The following SETD7 variants were observed in gnomAD, a reference collection of about 807,000 sequenced individuals.
SETD7 encodes histone-lysine N-methyltransferase SETD7.
Under a neutral mutation model 41.8 loss-of-function variants are expected in SETD7, and 16 were observed. That is an observed-to-expected ratio of 0.38 (90% CI 0.26 to 0.58). The LOEUF (loss-of-function observed/expected upper bound fraction) is 0.58. SETD7 is among the 20% of genes least tolerant of loss of function. The pLI is 0.64. For synonymous variants in SETD7, 163 were observed against 169.7 expected (o/e 0.96, Z 0.31); for missense variants, 346 against 459.7 (o/e 0.75, Z 2.26).
chr4:139,497,887 C>G (rs1726496059), intron 7 of SETD7, among the ~76,000 whole-genome samples: 1 of 152,130 alleles, frequency 6.6e-6, no homozygotes, highest in Non-Finnish European at 1.5e-5. Context: ...GTTAAATCAT[C>G]CTTTCCCTAG....
intron 2 of SETD7, among the ~76,000 whole-genome samples, chr4:139,535,248 T>A (rs894550753): frequency 2.6e-5 from 4 of 152,366 alleles, no homozygotes; most frequent in African/African-American, 9.6e-5. Flanking sequence ...AATACAGGAT[T>A]CCCAGCTAAG....
At chr4:139,499,616 C>T (rs1397791021) in intron 7 of SETD7, among the ~76,000 whole-genome samples, 1 of 152,100 alleles carries the variant, frequency 6.6e-6, no homozygotes, top group Non-Finnish European at 1.5e-5. Context: ...GTGATTTTAT[C>T]CACAGCCAAT....
chr4:139,531,851 G>C (rs1006989981), intron 3 of SETD7, among the ~76,000 whole-genome samples: 2 of 152,142 alleles, frequency 1.3e-5, no homozygotes, highest in East Asian at 1.9e-4. Flanking sequence ...AGCACTTTGG[G>C]AGGCCGAGGC....
At chr4:139,502,320 G>T (rs759842915), downstream of SETD7, among the ~76,000 whole-genome samples, 3 of 152,218 alleles carry the variant, frequency 2.0e-5, no homozygotes, top group Non-Finnish European at 4.4e-5. Context: ...GTAATGAGAA[G>T]CATGGTGAAA....
At chr4:139,522,741 C>CTTTTTTTTTTTTTTTTTTTTT (rs11357611) in intron 5 of SETD7, among the ~76,000 whole-genome samples, 1 of 93,450 alleles carries the variant, frequency 1.1e-5, no homozygotes. Flanking sequence ...CCCAGCTGCT[C>CTTTTTTTTTTTTTTTTTTTTT]TTTTTTTTTT....
At chr4:139,540,158 C>T (rs1388591265) in intron 2 of SETD7, among the ~76,000 whole-genome samples, 1 of 152,184 alleles carries the variant, frequency 6.6e-6, no homozygotes, top group Non-Finnish European at 1.5e-5. Context: ...TCAATCACAG[C>T]AATCCTGAAA....
intron 7 of SETD7, among the ~76,000 whole-genome samples, chr4:139,497,572 G>A (rs1726485235): frequency 6.6e-6 from 1 of 151,242 alleles, no homozygotes; most frequent in African/African-American, 2.4e-5. Flanking sequence ...GAGTTTTCAT[G>A]TTTTTTTTGT....
chr4:139,496,091 C>G, exon 8 of SETD7: 1 of 305,878 alleles, frequency 3.3e-6, no homozygotes, highest in Non-Finnish European at 6.0e-6. Flanking sequence ...TCCCTTATCT[C>G]CCATATTAGC....
At chr4:139,523,209 A>C in intron 5 of SETD7, 145 bp downstream of exon 5, 1 of 566,808 alleles carries the variant, frequency 1.8e-6, no homozygotes, top group African/African-American at 1.9e-5. Flanking sequence ...GAGGGTTGGC[A>C]AAGGAAAAGG....
In SETD7 at chr4:139,555,225, T is replaced by C. The variant is rs994647536; in HGVS notation, c.40+873A>G. On this transcript the variant is annotated intron_variant, in intron 1 of 7. Coordinates refer to ENST00000274031, the MANE Select transcript of SETD7 (RefSeq NM_030648.4). The surrounding 1 kb of genome is among the most constrained non-coding windows in gnomAD (Gnocchi z 4.0). ...GGTGGAGAAACTCAGCAAAACAAAG[T>C]GGCGAGAAAAGTCGGGGGAGGGGCG... Among the ~76,000 whole-genome samples, 1 of 142,906 alleles carries C rather than the reference T, an allele frequency of 7.0e-6. No individual in the cohort carries two copies. The highest frequency in any genetic ancestry group is 1.5e-5 in the Non-Finnish European group (1 of 65,956). 93.8% of individuals were successfully genotyped at this position (142,906 alleles called of 152,430 possible).
chr4:139,523,366 T>C lies in SETD7; in HGVS notation c.632A>G (p.Tyr211Cys), dbSNP rs1359072283. The C allele has an allele frequency of 1.9e-6, 3 of 1,611,326 alleles. No homozygotes were observed. Among genetic ancestry groups the C allele is most frequent in the Middle Eastern group, 1.7e-4 (1 of 6,056 alleles). The stretch of plus-strand genomic sequence containing the variant: ...AGGAGGAAATTACCTTTCTGATTCA[T>C]AAGGATCTGGAAGAAGAGCATTGGT... ...ISTNALLPDPYESERVYVAES... is the reference protein window; with the variant it reads ...ISTNALLPDPCESERVYVAES... Residue 211 changes from tyrosine to cysteine, a missense_variant, in exon 5 of 8, where the codon TAT becomes TGT. By Grantham distance (194) the Tyr-to-Cys change is radical (BLOSUM62 -2). Transcript: ENST00000274031.
rs1727072865 is a variant in SETD7, at chr4:139,517,910, A to C, written c.895T>G (p.Phe299Val). 6.2e-7 allele frequency: 1 copy of C among 1,613,728 alleles called. No homozygotes were observed. Among genetic ancestry groups the C allele is most frequent in the Non-Finnish European group, 8.5e-7 (1 of 1,179,782 alleles). Residue 299 changes from phenylalanine (F) to valine (V), a missense_variant, in exon 7 of 8, where the codon TTC (phenylalanine) becomes GTC (valine). Phe to Val is a conservative substitution (Grantham distance 50). Around this residue, in one of 3 missense-constraint regions of SETD7, gnomAD observed 266 missense variants for 377.0 expected, o/e 0.71. Transcript: ENST00000274031. ...ASLGHKANHS[F>V]TPNCIYDMFV... ...ATATCGTAGATGCAGTTTGGAGTGAAGGAGTGATTTGCCTTGTGTCCCAAG... is the reference window on the plus strand; with the variant it reads ...ATATCGTAGATGCAGTTTGGAGTGACGGAGTGATTTGCCTTGTGTCCCAAG...
chr4:139,541,466 G>A (rs1727776207), intron 2 of SETD7, among the ~76,000 whole-genome samples: 1 of 151,182 alleles, frequency 6.6e-6, no homozygotes, highest in East Asian at 2.0e-4. Flanking sequence ...GTACCAGACA[G>A]ACTCCAGATC....
intron 3 of SETD7, among the ~76,000 whole-genome samples, chr4:139,531,640 TA>T (rs1251606757): frequency 6.6e-6 from 1 of 152,248 alleles, no homozygotes; most frequent in African/African-American, 2.4e-5. Context: ...GAAAATGTTT[TA>T]CAACATTCTT....
At chr4:139,540,444 T>A (rs147608323) in intron 2 of SETD7, among the ~76,000 whole-genome samples, 1 of 152,170 alleles carries the variant, frequency 6.6e-6, no homozygotes, top group African/African-American at 2.4e-5. Flanking sequence ...CTGTTTCAAG[T>A]TGGAAGATGG....
intron 7 of SETD7, among the ~76,000 whole-genome samples, chr4:139,497,238 C>T (rs1310270480): frequency 3.9e-5 from 6 of 152,022 alleles, no homozygotes; most frequent in Non-Finnish European, 4.4e-5. Context: ...GCGAATCACC[C>T]AAGGTTGGGA....
rs1050393340 is a variant in SETD7 at position 139,555,805 on chromosome 4, C to T, written c.40+293G>A. On this transcript the variant is annotated intron_variant, in intron 1 of 7. Coordinates refer to ENST00000274031, the MANE Select transcript of SETD7 (RefSeq NM_030648.4). This position sits in a 1 kb window ranked among gnomAD's most constrained non-coding sequence, Gnocchi z 4.0. ...AAAGGCCAGAGCGCGGGGCAGGTTT[C>T]GCAACTCCGAGGGTGGATGCAGGCT... Among the ~76,000 whole-genome samples the T allele has an allele frequency of 6.6e-6, 1 of 152,164 alleles. No homozygotes were observed. Among genetic ancestry groups the T allele is most frequent in the Non-Finnish European group, 1.5e-5 (1 of 68,004 alleles).
intron 7 of SETD7, 71 bp downstream of exon 7, chr4:139,517,813 CT>C (rs1727068847): frequency 6.7e-7 from 1 of 1,484,324 alleles, no homozygotes; most frequent in Non-Finnish European, 9.1e-7. Context: ...CAGAATAACA[CT>C]TTTTACTGCC....
At chr4:139,543,767 A>T (rs1433078976) in intron 2 of SETD7, among the ~76,000 whole-genome samples, 2 of 150,330 alleles carry the variant, frequency 1.3e-5, no homozygotes, top group Non-Finnish European at 1.5e-5. Context: ...CCTGGCTAAC[A>T]AGGTGAAACC....
Sources: allele counts gnomAD v4.1 joint callset (sites outside exome capture counted in the v4.1 genomes callset), GRCh38; gene constraint gnomAD v4.1.1; regional missense constraint gnomAD v4.1.1; non-coding constraint Gnocchi (gnomAD v3.1); transcripts MANE v1.5; gene names NCBI Gene and HGNC (gene_info 2026-07-23, HGNC 2026-07-21).